MED13L: variants seen among roughly 807,000 people sequenced by gnomAD.
The protein encoded by MED13L is mediator complex subunit 13L, also known as mediator of RNA polymerase II transcription subunit 13-like.
MED13L carries 7 observed loss-of-function variants against 220.9 expected under a neutral mutation model. The ratio of observed to expected loss-of-function variants is 0.03; its 90% confidence interval spans 0.02 to 0.06. The LOEUF (loss-of-function observed/expected upper bound fraction) is 0.06, where lower values mean the gene tolerates loss of function less well. Among genes scored for constraint, MED13L ranks in the 10% least tolerant of loss-of-function variants. The probability of loss-of-function intolerance (pLI) is 1.00; values close to 1 mark genes in which losing one functional copy is unlikely to be tolerated. For missense variants in MED13L, 1,965 were observed against 2,760.5 expected (o/e 0.71, Z 6.46); for synonymous variants, 1,011 against 1,015.2 (o/e 1.00, Z 0.08).
Position 115,997,042 on chromosome 12 carries a change from C to T in MED13L, c.2758G>A (p.Gly920Arg), listed in dbSNP as rs1291033001. Residue 920 changes from glycine (G) to arginine (R), a missense_variant, in exon 15 of 31, where the codon GGA becomes AGA. Physicochemically the swap from Gly to Arg is moderately radical, Grantham distance 125. This residue lies in a region of MED13L where 233 missense variants were observed against 306.2 expected (regional missense o/e 0.76). Coordinates refer to ENST00000281928, the MANE Select transcript of MED13L (RefSeq NM_015335.5). ...TCCTCGGGCTTGGGACTTCCTAATC[C>T]ATCTTCCACTTCCATTTTGAATTCT... ...LTEFKMEVED[G>R]LGSPKPEEIK... The T allele has an allele frequency of 6.2e-7, 1 of 1,614,058 alleles. No individual in the cohort carries two copies. Among genetic ancestry groups the T allele is most frequent in the Non-Finnish European group, 8.5e-7 (1 of 1,179,968 alleles).
Position 116,194,911 on chromosome 12 carries a change from G to GT in MED13L, c.310+42556dup, listed in dbSNP as rs1881520382. Among the ~76,000 whole-genome samples the GT allele has an allele frequency of 4.6e-5, 7 of 152,276 alleles. No individual in the cohort carries two copies. The South Asian group carries it at 1.4e-3, about 32-fold the overall frequency. On this transcript the variant is annotated intron_variant, in intron 2 of 30. Coordinates refer to ENST00000281928, the MANE Select transcript of MED13L (RefSeq NM_015335.5). Reference sequence around the variant, plus strand: ...CAGCATCACCATGAAACAGAAATATGTAACAGAGAGTGGGCAGAAGGTATA... The same window carrying GT: ...CAGCATCACCATGAAACAGAAATATGTTAACAGAGAGTGGGCAGAAGGTATA...
intron 5 of MED13L, 51 bp from the exon 6 acceptor site, chr12:116,020,023 C>T (rs1428948688): frequency 1.3e-6 from 2 of 1,512,408 alleles, no homozygotes; most frequent in Non-Finnish European, 1.8e-6. Flanking sequence ...ATAATTCCTA[C>T]TTAAGTGCAA....
rs1418566854 is a variant in MED13L at position 116,008,671 on chromosome 12, G to A, written c.1742C>T (p.Ala581Val). Reference sequence around the variant, plus strand: ...GAGTTCTAGTCCATTTCCATAAAGGGCTGGATTCACAGGGACCGATGGTGG... The same window carrying A: ...GAGTTCTAGTCCATTTCCATAAAGGACTGGATTCACAGGGACCGATGGTGG... ...LDPPSVPVNP[A>V]LYGNGLELQQ... Residue 581 changes from alanine to valine, a missense_variant, in exon 10 of 31, where the codon GCC becomes GTC. Physicochemically the swap from Ala to Val is moderately conservative, Grantham distance 64 (BLOSUM62 0). Transcript: ENST00000281928. 2 of 1,614,010 alleles carry A rather than the reference G, an allele frequency of 1.2e-6. No homozygotes were observed. The highest frequency in any genetic ancestry group is 1.7e-6 in the Non-Finnish European group (2 of 1,179,996).
At chr12:116,119,791 A>G (rs1874837565) in intron 2 of MED13L, among the ~76,000 whole-genome samples, 1 of 138,090 alleles carries the variant, frequency 7.2e-6, no homozygotes, top group African/African-American at 2.7e-5. Flanking sequence ...TAGGCAAGAG[A>G]GAAAGACCCC....
chr12:116,201,338 G>A (rs765417015), intron 2 of MED13L, among the ~76,000 whole-genome samples: 19 of 151,710 alleles, frequency 1.3e-4, no homozygotes, highest in Non-Finnish European at 2.8e-4. Flanking sequence ...TCCAAATAAG[G>A]GTTGTAATAA....
chr12:116,024,087 T>C (rs894263974), intron 4 of MED13L, among the ~76,000 whole-genome samples: 2 of 152,150 alleles, frequency 1.3e-5, no homozygotes, highest in South Asian at 2.1e-4. Flanking sequence ...GTATCCCATG[T>C]AGTTACTAGC....
At chr12:116,214,021 T>C (rs1384711707) in intron 2 of MED13L, among the ~76,000 whole-genome samples, 1 of 152,178 alleles carries the variant, frequency 6.6e-6, no homozygotes, top group Non-Finnish European at 1.5e-5. Flanking sequence ...CTGTGAAGTA[T>C]CTTTAAAAGT....
intron 4 of MED13L, among the ~76,000 whole-genome samples, chr12:116,037,034 A>C (rs1280067509): frequency 1.3e-5 from 2 of 152,208 alleles, no homozygotes; most frequent in Non-Finnish European, 2.9e-5. Context: ...AATTGCACAT[A>C]ATTTTCTAAA....
chr12:116,225,006 T>G (rs1006041367), intron 2 of MED13L, among the ~76,000 whole-genome samples: 1 of 152,194 alleles, frequency 6.6e-6, no homozygotes, highest in South Asian at 2.1e-4. Flanking sequence ...ACACCTTACA[T>G]GTATAAAGCT....
At chr12:116,161,158 G>A (rs564092526) in intron 2 of MED13L, among the ~76,000 whole-genome samples, 5 of 152,060 alleles carry the variant, frequency 3.3e-5, no homozygotes, top group Admixed American at 6.6e-5. Flanking sequence ...CCATTCACAG[G>A]GGCAGACCCG....
chr12:115,984,743 T>C (rs1214694352), intron 19 of MED13L, among the ~76,000 whole-genome samples: 2 of 152,164 alleles, frequency 1.3e-5, no homozygotes, highest in Non-Finnish European at 2.9e-5. Context: ...ATCTCCTAAG[T>C]AATCCCTACT....
intron 1 of MED13L, among the ~76,000 whole-genome samples, chr12:116,269,055 T>C (rs1466677377): frequency 6.6e-6 from 1 of 152,174 alleles, no homozygotes; most frequent in Non-Finnish European, 1.5e-5. Context: ...CTAGGTTTTT[T>C]GGTTGTTTTT....
chr12:116,193,071 G>C (rs1208295620), intron 2 of MED13L, among the ~76,000 whole-genome samples: 1 of 152,206 alleles, frequency 6.6e-6, no homozygotes, highest in Non-Finnish European at 1.5e-5. Flanking sequence ...GAGGTTCGCA[G>C]TGAGCCGAGA....
intron 2 of MED13L, among the ~76,000 whole-genome samples, chr12:116,193,120 C>G (rs1028529658): frequency 4.6e-5 from 7 of 151,812 alleles, no homozygotes; most frequent in African/African-American, 1.7e-4. Flanking sequence ...CAGAGCAAGA[C>G]GCCTTCTCAA....
chr12:116,161,582 TC>T (rs1330884426), intron 2 of MED13L, among the ~76,000 whole-genome samples: 1 of 152,012 alleles, frequency 6.6e-6, no homozygotes, highest in African/African-American at 2.4e-5. Flanking sequence ...ACAAGGCCTC[TC>T]CCCGTCAAAG....
chr12:115,981,826 C>T (rs983247857), intron 22 of MED13L: 1 of 154,260 alleles, frequency 6.5e-6, no homozygotes, highest in African/African-American at 2.4e-5. Flanking sequence ...AGTATGATCT[C>T]AACTGTGTAA....
rs145245349 is a variant in MED13L at position 116,190,546 on chromosome 12, A to G, written c.310+46922T>C. ...CCTTACATCAACAGCTTCAAGCCCTATTTTTTTCAGGAAGCAATCCAAAAC... is the reference window on the plus strand; with the variant it reads ...CCTTACATCAACAGCTTCAAGCCCTGTTTTTTTCAGGAAGCAATCCAAAAC... On this transcript the variant is annotated intron_variant, in intron 2 of 30. Transcript: ENST00000281928. Among the ~76,000 whole-genome samples the G allele has an allele frequency of 5.9e-5, 9 of 152,164 alleles. No individual in the cohort carries two copies. The East Asian group carries it at 1.7e-3, about 29-fold the overall frequency.
In MED13L at chr12:116,269,466, CAAAAAAAAAA is replaced by C. The variant is rs34100053; in HGVS notation, c.72+7584_72+7593del. On this transcript the variant is annotated intron_variant, in intron 1 of 30. Transcript: ENST00000281928. ...GTTAAAGCCACAAATTTAAACTATG[CAAAAAAAAAA>C]AAAAAAAAAAAAGACACTAATGAAA... 4.0e-4 allele frequency among the ~76,000 whole-genome samples: 28 copies of C among 69,146 alleles called. 2 individuals carry two copies. The South Asian group carries it at 9.6e-3, about 24-fold the overall frequency. 45.4% of individuals were successfully genotyped at this position (69,146 alleles called of 152,430 possible). A position where few individuals can be genotyped will look rare whatever the true frequency, so the allele number is the denominator to read the frequency against.
chr12:116,217,341 G>A (rs1256111305), intron 2 of MED13L, among the ~76,000 whole-genome samples: 1 of 152,204 alleles, frequency 6.6e-6, no homozygotes, highest in Non-Finnish European at 1.5e-5. Context: ...ATCTTGGGAA[G>A]CTGGAAGAGA....
Sources: gnomAD v4.1 joint callset for allele counts (sites outside exome capture counted in the v4.1 genomes callset) on GRCh38, gnomAD v4.1.1 for gene constraint, gnomAD v4.1.1 regional missense constraint, MANE v1.5 for transcripts, NCBI Gene and HGNC (gene_info 2026-07-23, HGNC 2026-07-21) for gene names.